Variants in OLFML2A observed in about 807,000 individuals in gnomAD.
The protein encoded by OLFML2A is olfactomedin like 2A, also known as olfactomedin-like protein 2A.
Under a neutral mutation model 60.9 loss-of-function variants are expected in OLFML2A, and 47 were observed. The observed-to-expected ratio is 0.77, with a 90% CI of 0.61 to 0.98. The LOEUF (loss-of-function observed/expected upper bound fraction) is 0.98. OLFML2A is among the 50% of genes least tolerant of loss of function. The probability of loss-of-function intolerance (pLI) is 0.00; values close to 1 mark genes in which losing one functional copy is unlikely to be tolerated. For synonymous variants in OLFML2A, 372 were observed against 375.0 expected (o/e 0.99, Z 0.09); for missense variants, 922 against 879.8 (o/e 1.05, Z -0.61).
chr9:124,790,945 T>C (rs888784287), intron 2 of OLFML2A, among the ~76,000 whole-genome samples: 2 of 152,228 alleles, frequency 1.3e-5, no homozygotes, highest in East Asian at 3.8e-4. Flanking sequence ...CTCCGCAGCA[T>C]GGCTGTGGTA....
At chr9:124,806,541 A>C in intron 6 of OLFML2A, among the ~76,000 whole-genome samples, 1 of 152,046 alleles carries the variant, frequency 6.6e-6, no homozygotes, top group East Asian at 1.9e-4. Flanking sequence ...TCCACTAGTA[A>C]CCACTATTCT....
At chr9:124,781,751 G>A (rs192944953) in intron 1 of OLFML2A, among the ~76,000 whole-genome samples, 74 of 149,556 alleles carry the variant, frequency 4.9e-4, no homozygotes, top group African/African-American at 1.5e-3. Flanking sequence ...CCAAGATCGC[G>A]CCATTGCACT....
rs1483749771 is a variant in OLFML2A, at chr9:124,777,401, G to A, written c.90+41G>A. 1.6e-6 allele frequency: 2 copies of A among 1,224,172 alleles called. No individual in the cohort carries two copies. The highest frequency in any genetic ancestry group is 3.3e-5 in the East Asian group (1 of 30,596). 75.8% of individuals were successfully genotyped at this position (1,224,172 alleles called of 1,614,324 possible). On this transcript the variant is annotated intron_variant, in intron 1 of 7. Transcript: ENST00000373580. This position sits in a 1 kb window ranked among gnomAD's most constrained non-coding sequence, Gnocchi z 6.2. ...GGACCCGCGCGGCTCGGCGGGTAGC[G>A]GGGCGCGAGGGGGCGCTGTGGCTGG...
chr9:124,809,837 T>C lies in OLFML2A; in HGVS notation c.1384T>C (p.Tyr462His). 6.2e-7 allele frequency: 1 copy of C among 1,612,634 alleles called. No homozygotes were observed. Among genetic ancestry groups the C allele is most frequent in the Non-Finnish European group, 8.5e-7 (1 of 1,179,100 alleles). ...CTGGAGTAACATGTACAAGCTACCC[T>C]ACAACTGGATCGGCACAGGCCACGT... ...GRWSNMYKLP[Y>H]NWIGTGHVVY... The change falls in exon 8 of 8, where the codon TAC becomes CAC. Residue 462 changes from tyrosine (Y) to histidine (H), a missense_variant. Transcript: ENST00000373580.
chr9:124,780,772 C>A (rs1445352503), intron 1 of OLFML2A, among the ~76,000 whole-genome samples: 1 of 152,212 alleles, frequency 6.6e-6, no homozygotes, highest in African/African-American at 2.4e-5. Flanking sequence ...CACTTACATG[C>A]AGAATCTTAC....
chr9:124,800,853 A>C (rs1841760033), intron 4 of OLFML2A: 1 of 1,439,190 alleles, frequency 6.9e-7, no homozygotes, highest in African/African-American at 1.4e-5. Flanking sequence ...AAAATAACAA[A>C]ACACAAAAAG....
At chr9:124,790,836 G>C (rs1379262680) in intron 2 of OLFML2A, among the ~76,000 whole-genome samples, 1 of 152,118 alleles carries the variant, frequency 6.6e-6, no homozygotes, top group Non-Finnish European at 1.5e-5. Flanking sequence ...AGGAGGTTAA[G>C]GGGAGCCCAC....
intron 2 of OLFML2A, among the ~76,000 whole-genome samples, chr9:124,794,044 CAAGAA>C (rs1564284368): frequency 1.3e-5 from 2 of 152,084 alleles, no homozygotes; most frequent in African/African-American, 4.8e-5. Flanking sequence ...AACAAACAAA[CAAGAA>C]AAGAAAATAC....
intron 2 of OLFML2A, among the ~76,000 whole-genome samples, chr9:124,789,251 A>G (rs1255940778): frequency 6.6e-6 from 1 of 152,126 alleles, no homozygotes; most frequent in Non-Finnish European, 1.5e-5. Context: ...TTTTGAAAGT[A>G]TGTTTTTCTT....
chr9:124,800,043 A>G (rs936452212), intron 4 of OLFML2A, among the ~76,000 whole-genome samples: 1 of 152,256 alleles, frequency 6.6e-6, no homozygotes, highest in Admixed American at 6.5e-5. Context: ...CACTAGGCAG[A>G]GCCACCCATG....
chr9:124,799,056 C>A (rs1841719396), intron 3 of OLFML2A, among the ~76,000 whole-genome samples: 1 of 152,136 alleles, frequency 6.6e-6, no homozygotes, highest in Non-Finnish European at 1.5e-5. Flanking sequence ...TAGTACCATG[C>A]ACATGTATTA....
intron 4 of OLFML2A, among the ~76,000 whole-genome samples, chr9:124,800,693 C>G (rs1164862795): frequency 2.0e-5 from 3 of 152,224 alleles, no homozygotes; most frequent in African/African-American, 7.2e-5. Flanking sequence ...ATTCCGCAGG[C>G]GAGAATGAAG....
intron 7 of OLFML2A, among the ~76,000 whole-genome samples, chr9:124,808,200 G>A (rs527679484): frequency 1.4e-4 from 21 of 152,340 alleles, no homozygotes; most frequent in African/African-American, 3.8e-4. Context: ...AGAATGCAGC[G>A]GCAAACAAGA....
At chr9:124,797,823 G>A (rs887290413) in intron 3 of OLFML2A, among the ~76,000 whole-genome samples, 2 of 152,216 alleles carry the variant, frequency 1.3e-5, no homozygotes, top group South Asian at 2.1e-4. Context: ...CCTAGATAGC[G>A]GGAGGTTCAC....
rs897903011 is a variant in OLFML2A at position 124,807,885 on chromosome 9, C to T, written c.1273C>T (p.Arg425Ter). Reference sequence around the variant, plus strand: ...AGCCTGGATGAAGGACCCTGCAGCTCGAGACGACAGGATCTATGTCACCAA... The same window carrying T: ...AGCCTGGATGAAGGACCCTGCAGCTTGAGACGACAGGATCTATGTCACCAA... Reference protein sequence around the residue: ...EGAWMKDPAARDDRIYVTNYY... With the variant: ...EGAWMKDPAA Residue 425 changes from arginine to a stop codon, truncating the protein, a stop_gained, in exon 7 of 8, where the codon CGA becomes TGA. Coordinates refer to ENST00000373580, the MANE Select transcript of OLFML2A (RefSeq NM_182487.4). LOFTEE classifies it high-confidence loss of function. The T allele has an allele frequency of 4.3e-6, 7 of 1,614,072 alleles. No individual in the cohort carries two copies. The highest frequency in any genetic ancestry group is 2.2e-5 in the East Asian group (1 of 44,884).
chr9:124,779,958 G>A lies in OLFML2A; in HGVS notation c.90+2598G>A, dbSNP rs2131236851. On this transcript the variant is annotated intron_variant, in intron 1 of 7. Coordinates refer to ENST00000373580, the MANE Select transcript of OLFML2A (RefSeq NM_182487.4). This position sits in a 1 kb window ranked among gnomAD's most constrained non-coding sequence, Gnocchi z 4.1. ...GGGCTTCCTGTTCCTGGGAGCTCTAGTCTGCCCTCTGGCCCAGCACATTCA... is the reference window on the plus strand; with the variant it reads ...GGGCTTCCTGTTCCTGGGAGCTCTAATCTGCCCTCTGGCCCAGCACATTCA... Among the ~76,000 whole-genome samples, 1 of 152,352 alleles carries A rather than the reference G, an allele frequency of 6.6e-6. No homozygotes were observed. Among genetic ancestry groups the A allele is most frequent in the African/African-American group, 2.4e-5 (1 of 41,576 alleles).
chr9:124,799,690 A>C (rs1386695398), intron 4 of OLFML2A, among the ~76,000 whole-genome samples, 199 bp downstream of exon 4: 1 of 152,162 alleles, frequency 6.6e-6, no homozygotes, highest in Non-Finnish European at 1.5e-5. Flanking sequence ...CAGCACAGGG[A>C]ATGGGGGATA....
At chr9:124,796,600 T>C (rs1171345186) in intron 3 of OLFML2A, among the ~76,000 whole-genome samples, 2 of 152,236 alleles carry the variant, frequency 1.3e-5, no homozygotes, top group Non-Finnish European at 2.9e-5. Flanking sequence ...AAAAAGCTTT[T>C]GTTCACCCTG....
intron 2 of OLFML2A, 71 bp downstream of exon 2, chr9:124,787,309 A>C: frequency 6.9e-7 from 1 of 1,449,088 alleles, no homozygotes; most frequent in South Asian, 1.2e-5. Flanking sequence ...TGCCAGTGAA[A>C]ATTCCACACA....
Sources: gnomAD v4.1 joint callset for allele counts (sites outside exome capture counted in the v4.1 genomes callset) on GRCh38, gnomAD v4.1.1 for gene constraint, Gnocchi (gnomAD v3.1) non-coding constraint, MANE v1.5 for transcripts, NCBI Gene and HGNC (gene_info 2026-07-23, HGNC 2026-07-21) for gene names.